Variants in SUMF1 observed in about 807,000 individuals in gnomAD.
SUMF1 encodes the protein sulfatase modifying factor 1.
SUMF1 carries 48 observed loss-of-function variants against 47.6 expected under a neutral mutation model. The ratio of observed to expected loss-of-function variants is 1.01; its 90% CI spans 0.80 to 1.28. SUMF1 has a LOEUF of 1.28. Among genes scored for constraint, SUMF1 ranks in the 50% most tolerant of loss-of-function variants. SUMF1 has a pLI of 0.00. For missense variants in SUMF1, 571 were observed against 485.4 expected (o/e 1.18, Z -1.66); for synonymous variants, 230 against 192.1 (o/e 1.20, Z -1.63).
At chr3:4,464,422 G>A (rs1183206874) in intron 1 of SUMF1, among the ~76,000 whole-genome samples, 2 of 151,884 alleles carry the variant, frequency 1.3e-5, no homozygotes, top group Non-Finnish European at 2.9e-5. Flanking sequence ...TTGTGTGTGT[G>A]TGTGTGTGTG....
At chr3:4,264,685 T>A (rs570794302) in intron 8 of SUMF1, among the ~76,000 whole-genome samples, 19 of 152,274 alleles carry the variant, frequency 1.2e-4, no homozygotes, top group Admixed American at 5.2e-4. Flanking sequence ...TACTTTCACA[T>A]CAGAAAGTGG....
intron 6 of SUMF1, among the ~76,000 whole-genome samples, chr3:4,415,186 C>T (rs1215081543): frequency 6.9e-6 from 1 of 144,026 alleles, no homozygotes; most frequent in African/African-American, 2.7e-5. Context: ...ACGATCACGC[C>T]ACTGCACTCC....
chr3:4,225,306 C>G (rs557505892), intron 8 of SUMF1, among the ~76,000 whole-genome samples: 4 of 152,108 alleles, frequency 2.6e-5, no homozygotes, highest in Non-Finnish European at 5.9e-5. Flanking sequence ...GGAGCTCAGT[C>G]AGCTTCAAGT....
chr3:4,243,036 T>TA (rs920720815), intron 8 of SUMF1, among the ~76,000 whole-genome samples: 1 of 152,226 alleles, frequency 6.6e-6, no homozygotes, highest in African/African-American at 2.4e-5. Flanking sequence ...CTAGATTTTC[T>TA]AGGTGATTTG....
chr3:4,093,514 G>A (rs1199156141), intron 8 of SUMF1, among the ~76,000 whole-genome samples: 5 of 151,954 alleles, frequency 3.3e-5, no homozygotes, highest in African/African-American at 1.2e-4. Flanking sequence ...AAGATGGTGA[G>A]TATTCTAAGT....
At chr3:4,439,686 GA>G (rs974155524) in intron 3 of SUMF1, among the ~76,000 whole-genome samples, 9 of 150,260 alleles carry the variant, frequency 6.0e-5, no homozygotes, top group South Asian at 2.1e-4. Context: ...TCTCATAAGA[GA>G]AAAAAAAATC....
intron 8 of SUMF1, among the ~76,000 whole-genome samples, chr3:4,278,009 A>C (rs770241332): frequency 2.0e-5 from 3 of 152,208 alleles, no homozygotes; most frequent in African/African-American, 4.8e-5. Flanking sequence ...TTTGAACTAC[A>C]AAATGAATTT....
At chr3:4,303,887 C>T (rs1312220266) in intron 8 of SUMF1, 1 of 1,261,426 alleles carries the variant, frequency 7.9e-7, no homozygotes, top group Non-Finnish European at 1.0e-6. Context: ...AGCCGTGGGG[C>T]CTATTAATGG....
Position 4,069,071 on chromosome 3 carries a change from C to A in SUMF1, c.1015-326G>T, listed in dbSNP as rs143867341. 2.0e-3 allele frequency among the ~76,000 whole-genome samples: 298 copies of A among 152,260 alleles called. 1 individual carries two copies. Among genetic ancestry groups the A allele is most frequent in the Admixed American group, 3.7e-3 (56 of 15,298 alleles). ...AGAATCAGCAAGACCAACAGCAAGG[C>A]CTCAGCAGGGCCAACCGTGCATGAT... On this transcript the variant is annotated intron_variant and NMD_transcript_variant, in intron 8 of 12. Coordinates refer to the SUMF1 transcript ENST00000448413.
At chr3:4,368,156 C>G (rs1700042848) in intron 8 of SUMF1, among the ~76,000 whole-genome samples, 1 of 152,088 alleles carries the variant, frequency 6.6e-6, no homozygotes, top group Non-Finnish European at 1.5e-5. Context: ...AACAAACAAC[C>G]CCATGAAAAA....
chr3:4,040,727 T>C (rs895862151), intron 9 of SUMF1, among the ~76,000 whole-genome samples: 2 of 152,186 alleles, frequency 1.3e-5, no homozygotes, highest in African/African-American at 4.8e-5. Context: ...GTGAGCTTAA[T>C]ACAGTTCAAC....
At chr3:4,460,608 G>A (rs1459874109) in intron 1 of SUMF1, among the ~76,000 whole-genome samples, 1 of 148,944 alleles carries the variant, frequency 6.7e-6, no homozygotes, top group East Asian at 2.0e-4. Context: ...CAGTGTGTGT[G>A]TGTGTGTGTG....
intron 8 of SUMF1, among the ~76,000 whole-genome samples, chr3:4,166,626 G>C (rs932271416): frequency 2.6e-5 from 4 of 152,156 alleles, no homozygotes; most frequent in Admixed American, 2.0e-4. Flanking sequence ...TCAGAGAAGA[G>C]AGGCAGAAGG....
intron 1 of SUMF1, among the ~76,000 whole-genome samples, chr3:4,457,861 G>C (rs532364314): frequency 3.3e-5 from 5 of 152,250 alleles, no homozygotes; most frequent in African/African-American, 1.2e-4. Flanking sequence ...GACCCCAAAA[G>C]CACAGGCAAC....
chr3:4,246,867 C>T (rs923845206), intron 8 of SUMF1, among the ~76,000 whole-genome samples: 4 of 152,098 alleles, frequency 2.6e-5, no homozygotes, highest in East Asian at 3.9e-4. Flanking sequence ...GGAAATTCAG[C>T]GCTAATTCTA....
intron 8 of SUMF1, among the ~76,000 whole-genome samples, chr3:4,124,308 A>G (rs1031707151): frequency 1.3e-5 from 2 of 152,130 alleles, no homozygotes; most frequent in African/African-American, 2.4e-5. Flanking sequence ...AGGAGGAGGA[A>G]TTTTTCTATA....
At chr3:4,307,051 G>A (rs1698216781) in intron 8 of SUMF1, among the ~76,000 whole-genome samples, 1 of 152,184 alleles carries the variant, frequency 6.6e-6, no homozygotes, top group African/African-American at 2.4e-5. Flanking sequence ...TAGCTGCTTG[G>A]AGGAAAAACA....
intron 8 of SUMF1, among the ~76,000 whole-genome samples, chr3:4,351,661 C>T (rs1262838403): frequency 6.6e-6 from 1 of 152,134 alleles, no homozygotes; most frequent in African/African-American, 2.4e-5. Flanking sequence ...TTTAGGGTAA[C>T]ATCATCATTT....
rs563531010 is a variant in SUMF1 at position 4,292,136 on chromosome 3, CTTAT to C, written c.1014+84190_1014+84193del. Among the ~76,000 whole-genome samples the C allele has an allele frequency of 2.5e-3, 375 of 152,216 alleles. 2 individuals are homozygous for C. Among genetic ancestry groups the C allele is most frequent in the African/African-American group, 8.6e-3 (358 of 41,550 alleles). The stretch of plus-strand genomic sequence containing the variant: ...TCTATTGATCAAAAATAAAATTTTC[CTTAT>C]TTATCAATTATTAATTAGCACAGTT... On this transcript the variant is annotated intron_variant and NMD_transcript_variant, in intron 8 of 12. Coordinates refer to the SUMF1 transcript ENST00000448413.
Sources: allele counts gnomAD v4.1 joint callset (sites outside exome capture counted in the v4.1 genomes callset), GRCh38; gene constraint gnomAD v4.1.1; transcripts MANE v1.5; gene names NCBI Gene and HGNC (gene_info 2026-07-23, HGNC 2026-07-21).